The following MAGI2 variants were observed in gnomAD, a reference collection of about 807,000 sequenced individuals.
MAGI2 encodes the protein membrane associated guanylate kinase, WW and PDZ domain containing 2.
A neutral mutation model predicts 133.3 loss-of-function variants in MAGI2; 35 were observed. The ratio of observed to expected loss-of-function variants is 0.26; its 90% confidence interval spans 0.20 to 0.35. MAGI2 has a LOEUF of 0.35. Ranked by LOEUF, MAGI2 falls within the 10% of genes least tolerant of loss-of-function variation. The probability of loss-of-function intolerance (pLI) is 1.00; values close to 1 mark genes in which losing one functional copy is unlikely to be tolerated. For synonymous variants in MAGI2, 729 were observed against 710.6 expected (o/e 1.03, Z -0.41); for missense variants, 1,636 against 1,863.4 (o/e 0.88, Z 2.25).
At chr7:78,799,348 T>C (rs933815206) in intron 2 of MAGI2, among the ~76,000 whole-genome samples, 2 of 152,114 alleles carry the variant, frequency 1.3e-5, no homozygotes, top group African/African-American at 4.8e-5. Flanking sequence ...TAAACTCTAA[T>C]AATAGAAGCA....
intron 1 of MAGI2, among the ~76,000 whole-genome samples, chr7:79,226,661 C>T (rs1057364340): frequency 6.6e-6 from 1 of 152,136 alleles, no homozygotes; most frequent in Non-Finnish European, 1.5e-5. Context: ...TTCTCTTCCA[C>T]CCTTCCTTCC....
In MAGI2 at chr7:78,018,290, G is replaced by A. The variant is rs1403194823; in HGVS notation, c.*1025C>T. The stretch of plus-strand genomic sequence containing the variant: ...TAATATTATAATCTGAGAAATATAA[G>A]ACAAATACTCTGCCTCTGCTCTGTC... On this transcript the variant is annotated 3_prime_UTR_variant, in exon 22 of 22. Transcript: ENST00000354212. 6.6e-6 allele frequency: 1 copy of A among 152,526 alleles called. No homozygotes were observed. Among genetic ancestry groups the A allele is most frequent in the African/African-American group, 2.4e-5 (1 of 41,440 alleles). The allele number at this position is 152,526 out of a possible 1,614,324, so 9.4% of individuals were successfully genotyped here. A position where few individuals can be genotyped will look rare whatever the true frequency, so the allele number is the denominator to read the frequency against.
intron 9 of MAGI2, among the ~76,000 whole-genome samples, chr7:78,263,449 G>A (rs1793707882): frequency 1.3e-5 from 2 of 152,072 alleles, no homozygotes; most frequent in African/African-American, 4.8e-5. Flanking sequence ...TAGTCTCTTA[G>A]CTGGGCTCCC....
intron 21 of MAGI2, among the ~76,000 whole-genome samples, chr7:78,060,245 C>CA (rs1347946380): frequency 1.1e-4 from 5 of 44,396 alleles, no homozygotes; most frequent in African/African-American, 1.8e-4. Flanking sequence ...ACAAAAGGGA[C>CA]CCCCCCCCCT....
At chr7:78,407,804 T>C (rs917456775) in intron 6 of MAGI2, among the ~76,000 whole-genome samples, 1 of 151,896 alleles carries the variant, frequency 6.6e-6, no homozygotes, top group African/African-American at 2.4e-5. Context: ...AGGGTGTCTC[T>C]TACTGAGGTG....
intron 1 of MAGI2, among the ~76,000 whole-genome samples, chr7:79,246,971 C>G (rs182488768): frequency 6.6e-6 from 1 of 152,150 alleles, no homozygotes. Context: ...TTTGTGGAAA[C>G]CTTATAAGCC....
Position 78,428,769 on chromosome 7 carries a change from C to T in MAGI2, c.1046-59556G>A, listed in dbSNP as rs955374208. 4.5e-4 allele frequency among the ~76,000 whole-genome samples: 68 copies of T among 152,248 alleles called. 1 individual carries two copies. Among genetic ancestry groups the T allele is most frequent in the African/African-American group, 1.5e-3 (63 of 41,540 alleles). ...TAGTTTCACACGTATATTTCTCTTC[C>T]CTCCATAGGCTCAATTGTAGGACAA... is the stretch of plus-strand genomic sequence containing the variant. On this transcript the variant is annotated intron_variant, in intron 6 of 21. Transcript: ENST00000354212.
chr7:79,099,344 T>A (rs1270020762), intron 1 of MAGI2, among the ~76,000 whole-genome samples: 1 of 152,144 alleles, frequency 6.6e-6, no homozygotes, highest in Non-Finnish European at 1.5e-5. Context: ...AAAGGGAAAT[T>A]ATTAGAGATC....
At chr7:79,386,910 C>A (rs777102360) in intron 1 of MAGI2, among the ~76,000 whole-genome samples, 2 of 151,998 alleles carry the variant, frequency 1.3e-5, no homozygotes, top group African/African-American at 2.4e-5. Flanking sequence ...CATTCTGAAG[C>A]AGAGAGTAAG....
intron 2 of MAGI2, among the ~76,000 whole-genome samples, chr7:78,799,275 T>A (rs1189569100): frequency 6.6e-6 from 1 of 152,138 alleles, no homozygotes; most frequent in Non-Finnish European, 1.5e-5. Flanking sequence ...CTGGCAGAAG[T>A]AAGCATTGCA....
chr7:78,083,000 C>T (rs1447633090), intron 20 of MAGI2, among the ~76,000 whole-genome samples: 1 of 143,364 alleles, frequency 7.0e-6, no homozygotes, highest in Non-Finnish European at 1.5e-5. Context: ...AGAAGATCGA[C>T]TTATCGGGGG....
At chr7:79,299,669 T>A (rs4730757) in intron 1 of MAGI2, among the ~76,000 whole-genome samples, 1 of 151,846 alleles carries the variant, frequency 6.6e-6, no homozygotes, top group African/African-American at 2.4e-5. Flanking sequence ...AAAGATTCAC[T>A]AAAAAAACAC....
chr7:78,936,985 C>T (rs1800566852), intron 2 of MAGI2, among the ~76,000 whole-genome samples: 1 of 152,016 alleles, frequency 6.6e-6, no homozygotes. Context: ...ACAATGAATA[C>T]ATCTAGCACC....
intron 2 of MAGI2, among the ~76,000 whole-genome samples, chr7:78,649,024 G>T (rs1457112278): frequency 6.6e-6 from 1 of 151,726 alleles, no homozygotes; most frequent in Non-Finnish European, 1.5e-5. Flanking sequence ...ATAATACACT[G>T]TCAGGTCAGC....
At chr7:78,662,294 A>T (rs6466335) in intron 2 of MAGI2, among the ~76,000 whole-genome samples, 16,792 of 152,122 alleles carry the variant, frequency 0.11, 1,746 homozygotes, top group African/African-American at 0.28. Flanking sequence ...CTACCTTTCC[A>T]TTATCTTTTT....
chr7:79,393,089 T>A (rs990531394), intron 1 of MAGI2, among the ~76,000 whole-genome samples: 14 of 152,184 alleles, frequency 9.2e-5, no homozygotes, highest in African/African-American at 3.4e-4. Context: ...ATTTGCAGTG[T>A]ATATTTGGTT....
intron 1 of MAGI2, chr7:79,011,008 AAAT>A (rs1424143727): frequency 3.3e-5 from 5 of 152,074 alleles, no homozygotes; most frequent in Non-Finnish European, 7.4e-5. Flanking sequence ...CTTAACATCA[AAAT>A]ATAACTTCAG....
At chr7:78,937,451 A>G (rs972713290) in intron 2 of MAGI2, among the ~76,000 whole-genome samples, 2 of 152,166 alleles carry the variant, frequency 1.3e-5, no homozygotes, top group African/African-American at 4.8e-5. Flanking sequence ...TTATTTATAG[A>G]TGCTAAAATT....
chr7:79,056,726 T>C (rs1400264601), intron 1 of MAGI2, among the ~76,000 whole-genome samples: 2 of 152,222 alleles, frequency 1.3e-5, no homozygotes, highest in African/African-American at 4.8e-5. Flanking sequence ...GGAGTCATGG[T>C]ATATGTAATT....
Sources: allele counts gnomAD v4.1 joint callset (sites outside exome capture counted in the v4.1 genomes callset), GRCh38; gene constraint gnomAD v4.1.1; transcripts MANE v1.5; gene names NCBI Gene and HGNC (gene_info 2026-07-23, HGNC 2026-07-21).